Variants in TBC1D5 observed in about 807,000 individuals in gnomAD.
TBC1D5 encodes the protein TBC1 domain family member 5, also known as TBC1 domain family, member 5.
TBC1D5 carries 75 observed loss-of-function variants against 100.3 expected under a neutral mutation model. That is an observed-to-expected ratio of 0.75 (90% CI 0.62 to 0.91). TBC1D5 has a LOEUF of 0.91. Among genes scored for constraint, TBC1D5 ranks in the 40% least tolerant of loss-of-function variants. The pLI is 0.00. For synonymous variants in TBC1D5, 323 were observed against 325.6 expected (o/e 0.99, Z 0.09); for missense variants, 910 against 942.4 (o/e 0.97, Z 0.45).
chr3:17,305,327 T>A (rs973198333), intron 14 of TBC1D5, among the ~76,000 whole-genome samples: 9 of 152,208 alleles, frequency 5.9e-5, no homozygotes, highest in African/African-American at 2.2e-4. Context: ...CCATGTTCTC[T>A]TTCCATATGT....
In TBC1D5 at chr3:17,667,741, G is replaced by A. The variant is rs1000943214; in HGVS notation, c.-100-43828C>T. 3.3e-5 allele frequency among the ~76,000 whole-genome samples: 5 copies of A among 151,986 alleles called. No homozygotes were observed. The East Asian group carries it at 5.8e-4, about 18-fold the overall frequency. On this transcript the variant is annotated intron_variant, in intron 1 of 21. Coordinates refer to ENST00000253692, the Ensembl canonical transcript of TBC1D5. ...TGCTGGGATTACAAGCATGAGCCAC[G>A]GTGCCCAGCCAGGAAAATTATTTTT...
chr3:17,167,648 T>C (rs2066766953), intron 20 of TBC1D5, 101 bp downstream of exon 21: 6 of 1,019,028 alleles, frequency 5.9e-6, no homozygotes, highest in East Asian at 2.4e-5. Flanking sequence ...AAATGAGGGT[T>C]AGGGGGATGC....
intron 1 of TBC1D5, among the ~76,000 whole-genome samples, chr3:17,626,988 A>C (rs543511256): frequency 6.6e-6 from 1 of 152,182 alleles, no homozygotes; most frequent in African/African-American, 2.4e-5. Flanking sequence ...ATGCTTTAGG[A>C]AGATTAATCT....
intron 8 of TBC1D5, among the ~76,000 whole-genome samples, chr3:17,389,766 T>C (rs1289345100): frequency 6.6e-6 from 1 of 152,134 alleles, no homozygotes; most frequent in Non-Finnish European, 1.5e-5. Flanking sequence ...GTGATTTCAA[T>C]GCAGTGGTAA....
chr3:17,612,426 G>C (rs904968398), intron 2 of TBC1D5, among the ~76,000 whole-genome samples: 3 of 151,816 alleles, frequency 2.0e-5, no homozygotes, highest in Non-Finnish European at 4.4e-5. Flanking sequence ...TCAGGAGTTC[G>C]AGACCAGCCT....
intron 1 of TBC1D5, among the ~76,000 whole-genome samples, chr3:17,652,098 G>A (rs2065633588): frequency 2.0e-5 from 3 of 152,088 alleles, no homozygotes; most frequent in African/African-American, 4.8e-5. Context: ...TTCCTATTTG[G>A]TGGAAATATA....
chr3:17,737,805 C>CT (rs1440634490), intron 1 of TBC1D5, among the ~76,000 whole-genome samples: 1 of 144,504 alleles, frequency 6.9e-6, no homozygotes, highest in Non-Finnish European at 1.5e-5. Flanking sequence ...TATTTCAAAA[C>CT]TTTTAAGACT....
At chr3:17,631,491 A>G (rs572665838) in intron 1 of TBC1D5, among the ~76,000 whole-genome samples, 5 of 152,252 alleles carry the variant, frequency 3.3e-5, no homozygotes, top group Non-Finnish European at 5.9e-5. Flanking sequence ...CAGATATTCA[A>G]TGTAGACGAA....
At chr3:17,683,400 C>T (rs762688879) in intron 1 of TBC1D5, among the ~76,000 whole-genome samples, 3 of 151,272 alleles carry the variant, frequency 2.0e-5, no homozygotes, top group Non-Finnish European at 4.4e-5. Context: ...ATCCCCAAAG[C>T]ACAAATTCTT....
intron 13 of TBC1D5, among the ~76,000 whole-genome samples, chr3:17,328,170 T>G (rs1167058784): frequency 1.3e-5 from 2 of 151,898 alleles, no homozygotes; most frequent in East Asian, 3.9e-4. Context: ...CTTGGGAGGC[T>G]GAAGTGGGAG....
At chr3:17,540,611 T>C (rs2096341890) in intron 2 of TBC1D5, among the ~76,000 whole-genome samples, 1 of 152,032 alleles carries the variant, frequency 6.6e-6, no homozygotes, top group Admixed American at 6.6e-5. Flanking sequence ...GTACTCTTGT[T>C]AAAAATCATT....
chr3:17,687,744 C>T (rs935320853), intron 1 of TBC1D5, among the ~76,000 whole-genome samples: 12 of 152,188 alleles, frequency 7.9e-5, no homozygotes, highest in African/African-American at 2.9e-4. Context: ...AAAGCCCTCC[C>T]TATTCTCTTA....
At chr3:17,566,262 T>C (rs2096593054) in intron 2 of TBC1D5, among the ~76,000 whole-genome samples, 1 of 152,080 alleles carries the variant, frequency 6.6e-6, no homozygotes. Flanking sequence ...CGTTAAAATA[T>C]CACCCCACCA....
At chr3:17,657,630 C>T (rs894805710) in intron 1 of TBC1D5, among the ~76,000 whole-genome samples, 2 of 152,100 alleles carry the variant, frequency 1.3e-5, no homozygotes, top group African/African-American at 2.4e-5. Flanking sequence ...CCACCATGTC[C>T]GGCCGGACAA....
intron 18 of TBC1D5, among the ~76,000 whole-genome samples, chr3:17,208,902 C>A (rs2072587578): frequency 1.3e-5 from 2 of 152,220 alleles, no homozygotes; most frequent in South Asian, 4.2e-4. Context: ...ATTTATTATG[C>A]CAATACATTC....
chr3:17,172,076 A>G (rs2067221462), intron 19 of TBC1D5, among the ~76,000 whole-genome samples: 1 of 152,226 alleles, frequency 6.6e-6, no homozygotes, highest in Admixed American at 6.5e-5. Context: ...GAAAACCATG[A>G]CTGCCTCCCC....
intron 13 of TBC1D5, 31 bp downstream of exon 13, chr3:17,372,044 A>T: frequency 6.3e-7 from 1 of 1,577,860 alleles, no homozygotes; most frequent in South Asian, 1.2e-5. Flanking sequence ...CTCAAAAAAC[A>T]AACAAACAAA....
intron 18 of TBC1D5, among the ~76,000 whole-genome samples, chr3:17,193,665 C>A (rs772337067): frequency 5.9e-5 from 9 of 152,188 alleles, no homozygotes; most frequent in East Asian, 3.8e-4. Context: ...CCTGATAAGG[C>A]AGAAATTCTT....
intron 1 of TBC1D5, among the ~76,000 whole-genome samples, chr3:17,668,239 G>T (rs1252265200): frequency 6.6e-6 from 1 of 150,458 alleles, no homozygotes; most frequent in Non-Finnish European, 1.5e-5. Context: ...TATGAGCTGA[G>T]AAAGGAGGAA....
Sources: allele counts gnomAD v4.1 joint callset (sites outside exome capture counted in the v4.1 genomes callset), GRCh38; gene constraint gnomAD v4.1.1; transcripts MANE v1.5; gene names NCBI Gene and HGNC (gene_info 2026-07-23, HGNC 2026-07-21).